The following SEL1L3 variants were observed in gnomAD, a reference collection of about 807,000 sequenced individuals.
SEL1L3 encodes the protein protein sel-1 homolog 3.
Under a neutral mutation model 142.8 loss-of-function variants are expected in SEL1L3, and 76 were observed. The observed-to-expected ratio is 0.53, with a 90% CI of 0.44 to 0.64. SEL1L3 has a LOEUF of 0.64. SEL1L3 is among the 30% of genes least tolerant of loss of function. The pLI is 0.00. For missense variants in SEL1L3, 1,262 were observed against 1,381.7 expected (o/e 0.91, Z 1.37); for synonymous variants, 504 against 519.6 (o/e 0.97, Z 0.41).
chr4:25,831,215 T>C (rs1715414907), intron 5 of SEL1L3, among the ~76,000 whole-genome samples: 1 of 152,158 alleles, frequency 6.6e-6, no homozygotes, highest in South Asian at 2.1e-4. Context: ...CAAGTTGATG[T>C]CTAAACTCCC....
Position 25,830,053 on chromosome 4 carries a change from C to T in SEL1L3, c.1157+45G>A, listed in dbSNP as rs571146334. The T allele has an allele frequency of 1.0e-4, 134 of 1,276,446 alleles. 2 individuals carry two copies. In the South Asian group the frequency reaches 1.6e-3, roughly 15 times the overall value. 79.1% of individuals were successfully genotyped at this position (1,276,446 alleles called of 1,614,324 possible). Reference sequence around the variant, plus strand: ...GGGCTAAAGTATGAAGATTCCTTAACTCGCATGCAGGCAAATTTTGAATAA... The same window carrying T: ...GGGCTAAAGTATGAAGATTCCTTAATTCGCATGCAGGCAAATTTTGAATAA... On this transcript the variant is annotated intron_variant, in intron 6 of 23. Coordinates refer to ENST00000399878, the MANE Select transcript of SEL1L3 (RefSeq NM_015187.5).
At chr4:25,796,213 G>A (rs1362801781) in intron 11 of SEL1L3, among the ~76,000 whole-genome samples, 4 of 152,176 alleles carry the variant, frequency 2.6e-5, no homozygotes, top group Non-Finnish European at 5.9e-5. Context: ...CTGTCCCGGG[G>A]ATGCTGACAT....
intron 1 of SEL1L3, among the ~76,000 whole-genome samples, chr4:25,851,706 T>A (rs1220669529): frequency 6.6e-6 from 1 of 152,000 alleles, no homozygotes; most frequent in South Asian, 2.1e-4. Flanking sequence ...CTGGCCAGCA[T>A]GGTGAAACCC....
intron 3 of SEL1L3, among the ~76,000 whole-genome samples, chr4:25,834,435 A>G (rs1338047077): frequency 6.6e-6 from 1 of 152,180 alleles, no homozygotes; most frequent in Non-Finnish European, 1.5e-5. Flanking sequence ...CTCTTCATTT[A>G]CCCCAGTAAC....
intron 20 of SEL1L3, among the ~76,000 whole-genome samples, chr4:25,762,431 C>G (rs34987231): frequency 0.8 from 122,460 of 152,190 alleles, 49,641 homozygotes; most frequent in East Asian, 1. Flanking sequence ...ATATAGGCAA[C>G]AGTATGATCT....
At chr4:25,716,109 T>C in the SEL1L3 span, among the ~76,000 whole-genome samples, 4 of 151,962 alleles carry the variant, frequency 2.6e-5, no homozygotes, top group Middle Eastern at 3.2e-3. Context: ...TAAAAGACAG[T>C]AGGAGAATAT....
At position 25,804,526 on chromosome 4, in the gene SEL1L3, A is replaced by C; in HGVS notation, c.1776+15T>G. ...TGCAAGTGACTGATGTTAATGGAGCAATGAAATACTCTACCTGCAGCTGAT... is the reference window on the plus strand; with the variant it reads ...TGCAAGTGACTGATGTTAATGGAGCCATGAAATACTCTACCTGCAGCTGAT... On this transcript the variant is annotated intron_variant, in intron 10 of 23. Transcript: ENST00000399878. The C allele has an allele frequency of 6.4e-7, 1 of 1,571,878 alleles. No homozygotes were observed. The highest frequency in any genetic ancestry group is 8.7e-7 in the Non-Finnish European group (1 of 1,146,666).
At chr4:25,763,623 A>T (rs952429142) in intron 20 of SEL1L3, among the ~76,000 whole-genome samples, 1 of 152,192 alleles carries the variant, frequency 6.6e-6, no homozygotes, top group African/African-American at 2.4e-5. Context: ...CAAGGTGGGC[A>T]GATCACTTGA....
the SEL1L3 span, among the ~76,000 whole-genome samples, chr4:25,733,523 C>CT: frequency 0.46 from 55,927 of 121,766 alleles, 14,430 homozygotes; most frequent in East Asian, 0.67. Context: ...TATTCCTTAG[C>CT]TTTTTTTTTT....
At chr4:25,854,043 A>G (rs1227621203) in intron 1 of SEL1L3, among the ~76,000 whole-genome samples, 1 of 152,176 alleles carries the variant, frequency 6.6e-6, no homozygotes, top group African/African-American at 2.4e-5. Flanking sequence ...TGTGGTTCAC[A>G]TTGTATTTCA....
At position 25,803,618 on chromosome 4, in the gene SEL1L3, G is replaced by A. The variant is rs548897645; in HGVS notation, c.1776+923C>T. On this transcript the variant is annotated intron_variant, in intron 10 of 23. Coordinates refer to ENST00000399878, the MANE Select transcript of SEL1L3 (RefSeq NM_015187.5). ...CCAGATGAGATGAATATTTGAACTGGTGAGGTAAGCTACACAGACGGCCTT... is the reference window on the plus strand; with the variant it reads ...CCAGATGAGATGAATATTTGAACTGATGAGGTAAGCTACACAGACGGCCTT... Among the ~76,000 whole-genome samples, 3 of 152,290 alleles carry A rather than the reference G, an allele frequency of 2.0e-5. No individual in the cohort carries two copies. The East Asian group carries it at 5.8e-4, about 29-fold the overall frequency.
intron 1 of SEL1L3, among the ~76,000 whole-genome samples, chr4:25,858,819 C>T (rs1224484316): frequency 6.6e-6 from 1 of 152,082 alleles, no homozygotes; most frequent in Non-Finnish European, 1.5e-5. Context: ...CTCCTGACCT[C>T]GTGATCCGCC....
chr4:25,771,700 T>C (rs1230207171), intron 17 of SEL1L3, among the ~76,000 whole-genome samples: 1 of 152,182 alleles, frequency 6.6e-6, no homozygotes, highest in Non-Finnish European at 1.5e-5. Flanking sequence ...GCTAACCTCC[T>C]GGGTTAAGTG....
intron 20 of SEL1L3, chr4:25,759,451 C>A: frequency 6.0e-6 from 1 of 165,816 alleles, no homozygotes; most frequent in East Asian, 1.7e-4. Flanking sequence ...TTGCCATAGC[C>A]CTGTTGGAAA....
chr4:25,810,029 C>A (rs1713911535), intron 9 of SEL1L3, among the ~76,000 whole-genome samples: 1 of 152,212 alleles, frequency 6.6e-6, no homozygotes, highest in Non-Finnish European at 1.5e-5. Flanking sequence ...ACTCCGGAGC[C>A]TGGGGGCAAG....
At chr4:25,830,208 A>G in intron 5 of SEL1L3, 52 bp from the exon 6 acceptor site, 2 of 1,120,054 alleles carry the variant, frequency 1.8e-6, no homozygotes, top group South Asian at 2.5e-5. Context: ...ACCCTACATT[A>G]CCTATGCAGT....
chr4:25,742,459 G>A (rs935985346), downstream of SEL1L3, among the ~76,000 whole-genome samples: 5 of 151,642 alleles, frequency 3.3e-5, no homozygotes, highest in East Asian at 2.0e-4. Context: ...CACCACACCT[G>A]GCTAATTTTT....
chr4:25,793,481 T>C (rs945864954), intron 11 of SEL1L3, among the ~76,000 whole-genome samples: 4 of 152,082 alleles, frequency 2.6e-5, no homozygotes, highest in Admixed American at 6.5e-5. Flanking sequence ...AGACAGGGTT[T>C]CTCCATGTTG....
rs183721714 is a variant in SEL1L3 at position 25,842,774 on chromosome 4, G to A, written c.733+4520C>T. Among the ~76,000 whole-genome samples the A allele has an allele frequency of 7.9e-3, 1,206 of 152,094 alleles. 21 individuals carry two copies. The highest frequency in any genetic ancestry group is 0.027 in the African/African-American group (1,133 of 41,314). On this transcript the variant is annotated intron_variant, in intron 2 of 23. Coordinates refer to ENST00000399878, the MANE Select transcript of SEL1L3 (RefSeq NM_015187.5). ...GGCCTATGATCAGCATCAGAACAAA[G>A]CAAACAAGTCCCCTGGCCTCATGGA... is the stretch of plus-strand genomic sequence containing the variant.
Sources: allele counts gnomAD v4.1 joint callset (sites outside exome capture counted in the v4.1 genomes callset), GRCh38; gene constraint gnomAD v4.1.1; transcripts MANE v1.5; gene names NCBI Gene and HGNC (gene_info 2026-07-23, HGNC 2026-07-21).